SMYD3: variants seen among roughly 807,000 people sequenced by gnomAD.
SMYD3 encodes SET and MYND domain containing 3.
A neutral mutation model predicts 57.7 loss-of-function variants in SMYD3; 36 were observed. That is an observed-to-expected ratio of 0.62 (90% CI 0.48 to 0.82). SMYD3 has a LOEUF of 0.82. Ranked by LOEUF, SMYD3 falls within the 40% of genes least tolerant of loss-of-function variation. SMYD3 has a pLI of 0.00. For synonymous variants in SMYD3, 211 were observed against 195.0 expected (o/e 1.08, Z -0.68); for missense variants, 515 against 538.8 (o/e 0.96, Z 0.44).
rs375473004 is a variant in SMYD3 at position 246,363,155 on chromosome 1, C to T, written c.165-8061G>A. On this transcript the variant is annotated intron_variant, in intron 1 of 11. Coordinates refer to ENST00000490107, the MANE Select transcript of SMYD3 (RefSeq NM_001167740.2). Reference sequence around the variant, plus strand: ...GAGCCCCTCCGCCCGGCAGCCGCCCCGTCTGAGAAGTGAGGAGCCCCTCCG... The same window carrying T: ...GAGCCCCTCCGCCCGGCAGCCGCCCTGTCTGAGAAGTGAGGAGCCCCTCCG... 0.015 allele frequency among the ~76,000 whole-genome samples: 2,315 copies of T among 151,120 alleles called. 129 individuals are homozygous for T. In the East Asian group the frequency reaches 0.2, roughly 13 times the overall value.
intron 5 of SMYD3, among the ~76,000 whole-genome samples, chr1:246,079,847 G>T (rs1280046420): frequency 6.6e-6 from 1 of 152,160 alleles, no homozygotes; most frequent in Non-Finnish European, 1.5e-5. Flanking sequence ...ATAAATGTTG[G>T]TATTAATTTT....
intron 5 of SMYD3, among the ~76,000 whole-genome samples, chr1:246,294,042 C>G (rs2148599870): frequency 6.6e-6 from 1 of 152,280 alleles, no homozygotes. Flanking sequence ...ACTTTACTCC[C>G]TCTCAGTCGC....
At chr1:246,404,422 T>C (rs1459920647) in intron 1 of SMYD3, among the ~76,000 whole-genome samples, 1 of 152,228 alleles carries the variant, frequency 6.6e-6, no homozygotes, top group Non-Finnish European at 1.5e-5. Context: ...AGACTTCACA[T>C]ACGGCACCCA....
chr1:246,436,597 G>A (rs1444476267), intron 1 of SMYD3, among the ~76,000 whole-genome samples: 2 of 151,984 alleles, frequency 1.3e-5, no homozygotes, highest in Non-Finnish European at 2.9e-5. Flanking sequence ...TTTGACACTT[G>A]ATACTTTTGA....
chr1:246,230,578 A>C (rs1246323044), intron 5 of SMYD3, among the ~76,000 whole-genome samples: 3 of 152,172 alleles, frequency 2.0e-5, no homozygotes, highest in Non-Finnish European at 4.4e-5. Context: ...CTCCTGCCTA[A>C]GCCTCCAAGT....
intron 5 of SMYD3, among the ~76,000 whole-genome samples, chr1:246,123,364 G>A (rs879598829): frequency 8.6e-5 from 13 of 152,022 alleles, no homozygotes; most frequent in Admixed American, 5.2e-4. Flanking sequence ...CCAAGAGATC[G>A]AGACCATCCT....
chr1:246,044,341 C>T (rs2059926967), intron 5 of SMYD3, among the ~76,000 whole-genome samples: 2 of 152,124 alleles, frequency 1.3e-5, no homozygotes, highest in South Asian at 2.1e-4. Context: ...GTAAGATACA[C>T]AGGTGTTCAT....
chr1:246,405,577 T>G (rs150310089), intron 1 of SMYD3, among the ~76,000 whole-genome samples: 203 of 152,250 alleles, frequency 1.3e-3, no homozygotes, highest in African/African-American at 4.7e-3. Flanking sequence ...GGTGTCTTTA[T>G]TTTATTTCAT....
chr1:246,491,442 A>C (rs2068269104), intron 1 of SMYD3, among the ~76,000 whole-genome samples: 2 of 152,102 alleles, frequency 1.3e-5, no homozygotes. Flanking sequence ...GGGGAGGCTG[A>C]AGCAGGAGAA....
intron 10 of SMYD3, among the ~76,000 whole-genome samples, chr1:245,792,220 A>C (rs1267299661): frequency 6.6e-6 from 1 of 152,194 alleles, no homozygotes; most frequent in African/African-American, 2.4e-5. Context: ...GCTCTAGATG[A>C]GTGTTACCTC....
chr1:246,208,309 T>G (rs2063032664), intron 5 of SMYD3, among the ~76,000 whole-genome samples: 1 of 152,114 alleles, frequency 6.6e-6, no homozygotes, highest in South Asian at 2.1e-4. Flanking sequence ...CGTGGTGAAG[T>G]GCATTACGAG....
intron 5 of SMYD3, among the ~76,000 whole-genome samples, chr1:246,249,612 T>C (rs9645318): frequency 0.21 from 31,362 of 151,770 alleles, 3,946 homozygotes; most frequent in East Asian, 0.58. Flanking sequence ...CAATTAAGGT[T>C]ATATTTGATC....
intron 11 of SMYD3, among the ~76,000 whole-genome samples, chr1:245,752,499 C>T (rs1572241955): frequency 6.6e-6 from 1 of 151,766 alleles, no homozygotes; most frequent in Non-Finnish European, 1.5e-5. Flanking sequence ...GTCACTTCAA[C>T]AACATAAGTT....
At chr1:246,257,446 T>G (rs768481985) in intron 5 of SMYD3, among the ~76,000 whole-genome samples, 20 of 152,228 alleles carry the variant, frequency 1.3e-4, no homozygotes, top group Non-Finnish European at 2.2e-4. Context: ...AAAGTTTGTT[T>G]TATCTGATGT....
Position 246,203,094 on chromosome 1 carries a change from C to T in SMYD3, c.531+124107G>A, listed in dbSNP as rs2062945626. On this transcript the variant is annotated intron_variant, in intron 5 of 11. Coordinates refer to ENST00000490107, the MANE Select transcript of SMYD3 (RefSeq NM_001167740.2). The surrounding 1 kb of genome is among the most constrained non-coding windows in gnomAD (Gnocchi z 4.6). Reference sequence around the variant, plus strand: ...GAGCTGAGATCGCACCACTGCACTCCAGAGCAAGACTCCGTCTCAAAAAAT... The same window carrying T: ...GAGCTGAGATCGCACCACTGCACTCTAGAGCAAGACTCCGTCTCAAAAAAT... Among the ~76,000 whole-genome samples the T allele has an allele frequency of 6.6e-6, 1 of 151,846 alleles. No homozygotes were observed. The highest frequency in any genetic ancestry group is 1.5e-5 in the Non-Finnish European group (1 of 67,946).
chr1:246,238,780 A>T (rs893189592), intron 5 of SMYD3, among the ~76,000 whole-genome samples: 3 of 152,210 alleles, frequency 2.0e-5, no homozygotes, highest in Admixed American at 2.0e-4. Flanking sequence ...ATAATTAGAT[A>T]AAAAATAGCT....
intron 6 of SMYD3, 148 bp from the exon 7 acceptor site, chr1:245,928,181 C>T: frequency 1.9e-6 from 1 of 534,106 alleles, no homozygotes; most frequent in Non-Finnish European, 3.4e-6. Context: ...CTCGGGGATG[C>T]ATTCACAGAA....
chr1:245,981,930 G>A (rs187706354), intron 5 of SMYD3, among the ~76,000 whole-genome samples: 1 of 152,310 alleles, frequency 6.6e-6, no homozygotes, highest in South Asian at 2.1e-4. Context: ...TTGGGCAGGC[G>A]AGTCTCCCAG....
chr1:246,449,071 T>C (rs900218177), intron 1 of SMYD3, among the ~76,000 whole-genome samples: 12 of 151,816 alleles, frequency 7.9e-5, no homozygotes, highest in Admixed American at 5.9e-4. Context: ...CTACAAAAAA[T>C]AAAAATAAAT....
Sources: gnomAD v4.1 joint callset for allele counts (sites outside exome capture counted in the v4.1 genomes callset) on GRCh38, gnomAD v4.1.1 for gene constraint, Gnocchi (gnomAD v3.1) non-coding constraint, MANE v1.5 for transcripts, NCBI Gene and HGNC (gene_info 2026-07-23, HGNC 2026-07-21) for gene names.